The following TXNL1 variants were observed in gnomAD, a reference collection of about 807,000 sequenced individuals.
TXNL1 encodes thioredoxin-like protein 1.
In TXNL1, 14 loss-of-function variants were observed where a neutral mutation model predicts 35.5. The ratio of observed to expected loss-of-function variants is 0.39; its 90% CI spans 0.26 to 0.62. TXNL1 has a LOEUF of 0.62. Ranked by LOEUF, TXNL1 falls within the 20% of genes least tolerant of loss-of-function variation. The pLI, the probability that TXNL1 is intolerant of heterozygous loss-of-function variation, is 0.47. For synonymous variants in TXNL1, 110 were observed against 115.5 expected, an observed-to-expected ratio of 0.95 and a Z score of 0.31; for missense variants, 263 against 349.7, an observed-to-expected ratio of 0.75 and a Z score of 1.98.
At chr18:56,619,521 A>G (rs1242601778) in intron 3 of TXNL1, among the ~76,000 whole-genome samples, 1 of 131,518 alleles carries the variant, frequency 7.6e-6, no homozygotes, top group Non-Finnish European at 1.6e-5. Context: ...CTGGGGACAG[A>G]GCAAGACTCT....
At chr18:56,608,967 C>CAAAAAAAA (rs1568099229) in intron 7 of TXNL1, 1 of 146,640 alleles carries the variant, frequency 6.8e-6, no homozygotes. Flanking sequence ...AAAAAAAAAT[C>CAAAAAAAA]ATAAAATTCT....
At chr18:56,611,626 A>G (rs947646000) in intron 6 of TXNL1, among the ~76,000 whole-genome samples, 1 of 152,164 alleles carries the variant, frequency 6.6e-6, no homozygotes, top group Non-Finnish European at 1.5e-5. Flanking sequence ...TGTCATGGCA[A>G]GAGACCCATA....
At chr18:56,633,743 T>C (rs1308066224) in intron 1 of TXNL1, among the ~76,000 whole-genome samples, 2 of 151,810 alleles carry the variant, frequency 1.3e-5, no homozygotes, top group Non-Finnish European at 2.9e-5. Context: ...CCCAGCACTT[T>C]GAGAGGCCGA....
At chr18:56,634,267 T>C (rs993209871) in intron 1 of TXNL1, among the ~76,000 whole-genome samples, 4 of 152,208 alleles carry the variant, frequency 2.6e-5, no homozygotes, top group Admixed American at 2.6e-4. Context: ...TCTGTGCAGA[T>C]ACACAGAGAT....
intron 7 of TXNL1, among the ~76,000 whole-genome samples, chr18:56,603,281 GT>G (rs34882850): frequency 0.051 from 6,110 of 120,306 alleles, 305 homozygotes; most frequent in African/African-American, 0.14. Context: ...GTTTCACACA[GT>G]TTTTTTTTTT....
chr18:56,632,020 C>T (rs959267600), intron 1 of TXNL1, among the ~76,000 whole-genome samples: 2 of 151,892 alleles, frequency 1.3e-5, no homozygotes, highest in African/African-American at 2.4e-5. Context: ...CATAAGATGA[C>T]CTGCCCAACA....
At chr18:56,633,728 G>C (rs537060939) in intron 1 of TXNL1, among the ~76,000 whole-genome samples, 1 of 151,810 alleles carries the variant, frequency 6.6e-6, no homozygotes, top group African/African-American at 2.4e-5. Flanking sequence ...GCTCACACCT[G>C]TAATCCCAGC....
chr18:56,598,268 T>C lies in TXNL1; in HGVS notation c.*4759A>G, dbSNP rs1255515813. 1 of 152,200 alleles carries C rather than the reference T, an allele frequency of 6.6e-6. No individual in the cohort carries two copies. Among genetic ancestry groups the C allele is most frequent in the African/African-American group, 2.4e-5 (1 of 41,448 alleles). The allele number at this position is 152,200 out of a possible 1,614,324, so 9.4% of individuals were successfully genotyped here. A position where few individuals can be genotyped will look rare whatever the true frequency, so the allele number is the denominator to read the frequency against. On this transcript the variant is annotated 3_prime_UTR_variant, in exon 8 of 8. Transcript: ENST00000217515. The stretch of plus-strand genomic sequence containing the variant: ...CTTAATACTAGAGACAAAATACTTG[T>C]ATTACAGCTCACAATCTAGTAGTCC...
chr18:56,601,292 A>G lies in TXNL1; in HGVS notation c.*1735T>C, dbSNP rs1479857196. The G allele has an allele frequency of 2.0e-5, 3 of 152,214 alleles. No individual in the cohort carries two copies. The highest frequency in any genetic ancestry group is 4.4e-5 in the Non-Finnish European group (3 of 68,030). 9.4% of individuals were successfully genotyped at this position (152,214 alleles called of 1,614,324 possible). On this transcript the variant is annotated 3_prime_UTR_variant, in exon 8 of 8. Coordinates refer to ENST00000217515, the MANE Select transcript of TXNL1 (RefSeq NM_004786.3). ...GAATTATGTAATACTTGCATACTGC[A>G]ACTAATTGTTATAGAAGAGTCACAT...
chr18:56,637,231 G>A (rs1407254807), intron 1 of TXNL1, among the ~76,000 whole-genome samples: 2 of 152,114 alleles, frequency 1.3e-5, no homozygotes. Flanking sequence ...TCAACATTTA[G>A]TGAACCATCT....
chr18:56,637,826 A>C (rs920174193), intron 1 of TXNL1, among the ~76,000 whole-genome samples: 1 of 152,238 alleles, frequency 6.6e-6, no homozygotes, highest in African/African-American at 2.4e-5. Context: ...CTTAGTTCGA[A>C]ATGCATTAGC....
chr18:56,610,200 T>C (rs2023967912), intron 7 of TXNL1: 1 of 152,238 alleles, frequency 6.6e-6, no homozygotes, highest in African/African-American at 2.4e-5. Context: ...GATACCTATG[T>C]ATTCTGTGCT....
At chr18:56,626,577 T>C (rs1355057684) in intron 1 of TXNL1, 120 bp from the exon 2 acceptor site, 1 of 896,456 alleles carries the variant, frequency 1.1e-6, no homozygotes, top group East Asian at 2.7e-5. Context: ...TCTGTTTTTT[T>C]TGTTTTGTTT....
chr18:56,625,025 G>A (rs889981707), intron 2 of TXNL1, among the ~76,000 whole-genome samples: 1 of 152,092 alleles, frequency 6.6e-6, no homozygotes, highest in Non-Finnish European at 1.5e-5. Flanking sequence ...AATTGTATAA[G>A]ACTAACTACT....
At chr18:56,619,580 C>G (rs1312407189) in intron 3 of TXNL1, among the ~76,000 whole-genome samples, 1 of 149,728 alleles carries the variant, frequency 6.7e-6, no homozygotes, top group Non-Finnish European at 1.5e-5. Context: ...GTTAATATGT[C>G]TCTGAAATCT....
At chr18:56,617,312 A>G (rs943969924) in intron 4 of TXNL1, among the ~76,000 whole-genome samples, 1 of 152,246 alleles carries the variant, frequency 6.6e-6, no homozygotes, top group Admixed American at 6.5e-5. Context: ...GTAGGTGAAG[A>G]GCAGAAGAGA....
intron 3 of TXNL1, among the ~76,000 whole-genome samples, chr18:56,621,639 C>A (rs997698383): frequency 2.6e-5 from 4 of 152,116 alleles, no homozygotes; most frequent in African/African-American, 9.7e-5. Flanking sequence ...ATGTTGCTAC[C>A]TTTATAATCA....
At chr18:56,612,157 G>A (rs577636935) in intron 6 of TXNL1, among the ~76,000 whole-genome samples, 42 of 150,966 alleles carry the variant, frequency 2.8e-4, no homozygotes, top group African/African-American at 6.6e-4. Flanking sequence ...GTGAGCCACC[G>A]CGCCCAGCAA....
chr18:56,617,926 C>G, intron 4 of TXNL1, 78 bp downstream of exon 4: 1 of 1,542,164 alleles, frequency 6.5e-7, no homozygotes, highest in Non-Finnish European at 8.9e-7. Context: ...GAGACGTAAG[C>G]CACAAAATGG....
Sources: allele counts gnomAD v4.1 joint callset (sites outside exome capture counted in the v4.1 genomes callset), GRCh38; gene constraint gnomAD v4.1.1; transcripts MANE v1.5; gene names NCBI Gene and HGNC (gene_info 2026-07-23, HGNC 2026-07-21).